CUX2: variants seen among roughly 807,000 people sequenced by gnomAD.
CUX2 encodes the protein cut like homeobox 2.
In CUX2, 40 loss-of-function variants were observed where a neutral mutation model predicts 144.8. That is an observed-to-expected ratio of 0.28 (90% CI 0.21 to 0.36). The LOEUF is 0.36. Among genes scored for constraint, CUX2 ranks in the 10% least tolerant of loss-of-function variants. The pLI, the probability that CUX2 is intolerant of heterozygous loss-of-function variation, is 1.00. For synonymous variants in CUX2, 827 were observed against 875.6 expected, an observed-to-expected ratio of 0.94 and a Z score of 0.98; for missense variants, 1,615 against 1,994.0, an observed-to-expected ratio of 0.81 and a Z score of 3.62.
intron 1 of CUX2, among the ~76,000 whole-genome samples, chr12:111,203,388 A>G (rs1260542999): frequency 6.6e-6 from 1 of 151,834 alleles, no homozygotes; most frequent in Non-Finnish European, 1.5e-5. Flanking sequence ...CTACAAAAAA[A>G]TAAAAAGTTA....
At chr12:111,226,626 G>C (rs529623571) in intron 3 of CUX2, among the ~76,000 whole-genome samples, 1 of 152,194 alleles carries the variant, frequency 6.6e-6, no homozygotes, top group Non-Finnish European at 1.5e-5. Flanking sequence ...TGGAGTCATG[G>C]ACGTGAACCA....
intron 1 of CUX2, among the ~76,000 whole-genome samples, chr12:111,213,534 T>C (rs1592845640): frequency 6.6e-6 from 1 of 152,350 alleles, no homozygotes; most frequent in Non-Finnish European, 1.5e-5. Context: ...AATCCATTTC[T>C]TCTGAATCCA....
In CUX2 at chr12:111,262,985, A is replaced by C. The variant is rs147514886; in HGVS notation, c.223-776A>C. On this transcript the variant is annotated intron_variant, in intron 3 of 21. Transcript: ENST00000261726. ...AGGTGCGGCTCCATTTAATCCCAAC[A>C]GGAGGTAGGTCCTGTTATTTACCCC... 7.1e-3 allele frequency among the ~76,000 whole-genome samples: 1,088 copies of C among 152,328 alleles called. 12 individuals carry two copies. The highest frequency in any genetic ancestry group is 0.024 in the African/African-American group (1,005 of 41,558).
At chr12:111,216,542 T>G (rs532970417) in intron 2 of CUX2, among the ~76,000 whole-genome samples, 1 of 152,302 alleles carries the variant, frequency 6.6e-6, no homozygotes, top group Non-Finnish European at 1.5e-5. Context: ...AACCCAGAGG[T>G]TCCGTGCTCA....
chr12:111,131,859 C>T (rs112256392), intron 1 of CUX2, among the ~76,000 whole-genome samples: 28 of 152,294 alleles, frequency 1.8e-4, no homozygotes, highest in Middle Eastern at 3.4e-3. Flanking sequence ...GACACTCCCA[C>T]GGGCTGGCAT....
At chr12:111,286,709 C>A (rs550542052) in intron 4 of CUX2, among the ~76,000 whole-genome samples, 1 of 152,192 alleles carries the variant, frequency 6.6e-6, no homozygotes, top group South Asian at 2.1e-4. Flanking sequence ...CCCATCTCTA[C>A]TGAAGATACA....
At chr12:111,213,083 CGT>C (rs1271251241) in intron 1 of CUX2, among the ~76,000 whole-genome samples, 2 of 152,118 alleles carry the variant, frequency 1.3e-5, no homozygotes, top group African/African-American at 4.8e-5. Flanking sequence ...CCCGCATCTG[CGT>C]GTGTGTTTTT....
Position 111,223,315 on chromosome 12 carries a change from C to T in CUX2, c.222+5378C>T, listed in dbSNP as rs530572583. Among the ~76,000 whole-genome samples the T allele has an allele frequency of 2.1e-3, 327 of 152,270 alleles. 1 individual carries two copies. The highest frequency in any genetic ancestry group is 3.8e-3 in the Non-Finnish European group (260 of 68,020). ...TAATGTCCAGAAGCCCAAGGGAGGC[C>T]GTCGGTTCCATCCCAGAGGTTCTAT... On this transcript the variant is annotated intron_variant, in intron 3 of 21. Coordinates refer to ENST00000261726, the MANE Select transcript of CUX2 (RefSeq NM_015267.4).
At chr12:111,282,687 T>C (rs929200856) in intron 4 of CUX2, among the ~76,000 whole-genome samples, 1 of 150,894 alleles carries the variant, frequency 6.6e-6, no homozygotes, top group African/African-American at 2.4e-5. Context: ...AGAAATTTAC[T>C]TCCCCACGGT....
chr12:111,195,947 C>CT (rs1296967572), intron 1 of CUX2, among the ~76,000 whole-genome samples: 1 of 152,204 alleles, frequency 6.6e-6, no homozygotes, highest in Non-Finnish European at 1.5e-5. Context: ...GTACAACCAT[C>CT]ACCACATCCA....
intron 1 of CUX2, among the ~76,000 whole-genome samples, chr12:111,134,731 A>G (rs955101635): frequency 1.5e-4 from 23 of 152,168 alleles, no homozygotes; most frequent in Admixed American, 1.0e-3. Context: ...GCCCAGGGAG[A>G]CCAACTGAAT....
At chr12:111,113,793 G>C (rs574718245) in intron 1 of CUX2, among the ~76,000 whole-genome samples, 1 of 152,350 alleles carries the variant, frequency 6.6e-6, no homozygotes, top group Non-Finnish European at 1.5e-5. Flanking sequence ...GTGACCTCAA[G>C]TGATCCACCT....
Position 111,116,296 on chromosome 12 carries a change from C to T in CUX2, c.63+82056C>T, listed in dbSNP as rs56304360. 9.5e-3 allele frequency among the ~76,000 whole-genome samples: 1,445 copies of T among 152,278 alleles called. 16 individuals are homozygous for T. The highest frequency in any genetic ancestry group is 0.016 in the Non-Finnish European group (1,099 of 68,018). Reference sequence around the variant, plus strand: ...GTGGTGGAATCTTGATTGAATTAGGCTGTGCTTATAATTAGGAAATGCCAA... The same window carrying T: ...GTGGTGGAATCTTGATTGAATTAGGTTGTGCTTATAATTAGGAAATGCCAA... On this transcript the variant is annotated intron_variant, in intron 1 of 21. Transcript: ENST00000261726.
chr12:111,099,729 G>T, intron 1 of CUX2: 1 of 456,054 alleles, frequency 2.2e-6, no homozygotes, highest in South Asian at 1.6e-5. Context: ...ATTGGGCGCC[G>T]AAACTGGGGC....
intron 20 of CUX2, among the ~76,000 whole-genome samples, chr12:111,340,723 T>C (rs968181171): frequency 3.9e-5 from 6 of 152,356 alleles, no homozygotes; most frequent in African/African-American, 1.4e-4. Flanking sequence ...TTAGCCTAAA[T>C]ATTTGCCCTG....
intron 18 of CUX2, among the ~76,000 whole-genome samples, chr12:111,332,128 CTTT>C (rs765789593): frequency 8.4e-6 from 1 of 119,592 alleles, no homozygotes; most frequent in Non-Finnish European, 1.7e-5. Flanking sequence ...ATCTGTCTAC[CTTT>C]TTTTTTTTTT....
chr12:111,318,245 C>CT (rs541676829), intron 16 of CUX2, among the ~76,000 whole-genome samples: 1,743 of 78,870 alleles, frequency 0.022, 25 homozygotes, highest in South Asian at 0.065. Flanking sequence ...TTTCTTTTTT[C>CT]TTTTTTTTTT....
intron 18 of CUX2, among the ~76,000 whole-genome samples, chr12:111,330,694 T>TACATATAC (rs1565926036): frequency 6.3e-4 from 3 of 4,752 alleles, no homozygotes; most frequent in African/African-American, 2.8e-3. Context: ...TACATATATA[T>TACATATAC]ATATATATAT....
intron 1 of CUX2, among the ~76,000 whole-genome samples, chr12:111,159,255 C>T (rs1332662751): frequency 6.6e-6 from 1 of 152,016 alleles, no homozygotes; most frequent in African/African-American, 2.4e-5. Context: ...CAAGTCATCC[C>T]GCCTACCTCA....
Sources: gnomAD v4.1 joint callset for allele counts (sites outside exome capture counted in the v4.1 genomes callset) on GRCh38, gnomAD v4.1.1 for gene constraint, MANE v1.5 for transcripts, NCBI Gene and HGNC (gene_info 2026-07-23, HGNC 2026-07-21) for gene names.